The following NHSL2 variants were observed in gnomAD, a reference collection of about 807,000 sequenced individuals.
The protein encoded by NHSL2 is NHS like 2.
NHSL2 carries 27 observed loss-of-function variants against 53.4 expected under a neutral mutation model. That is an observed-to-expected ratio of 0.51 (90% CI 0.37 to 0.70). The LOEUF is 0.70. NHSL2 is among the 30% of genes least tolerant of loss of function. The probability of loss-of-function intolerance (pLI) is 0.00; values close to 1 mark genes in which losing one functional copy is unlikely to be tolerated. For synonymous variants in NHSL2, 408 were observed against 404.1 expected (o/e 1.01, Z -0.12); for missense variants, 892 against 980.1 (o/e 0.91, Z 1.20).
chrX:72,074,700 G>A (rs2041726793), intron 1 of NHSL2, among the ~76,000 whole-genome samples: 1 of 112,905 alleles, frequency 8.9e-6, no homozygotes, highest in African/African-American at 3.2e-5. Flanking sequence ...AAATATGGTA[G>A]ACCATGAAAG....
intron 1 of NHSL2, among the ~76,000 whole-genome samples, chrX:72,066,187 A>G (rs1344943050): frequency 9.0e-6 from 1 of 111,424 alleles, no homozygotes; most frequent in Non-Finnish European, 1.9e-5. Context: ...GGAAGTGGAG[A>G]TGATGCCGTG....
At chrX:71,913,052 T>C (rs2041611996) in intron 1 of NHSL2, among the ~76,000 whole-genome samples, 1 of 111,608 alleles carries the variant, frequency 9.0e-6, no homozygotes, top group African/African-American at 3.3e-5. Flanking sequence ...AAATTACCAC[T>C]GGTTTGGCTT....
chrX:72,068,653 T>C (rs1391345986), intron 1 of NHSL2, among the ~76,000 whole-genome samples: 1 of 52,312 alleles, frequency 1.9e-5, no homozygotes, highest in Non-Finnish European at 4.4e-5. Context: ...TGTGTCCGTG[T>C]GTGTGTGCGT....
chrX:72,130,967 T>A (rs1419849930), intron 1 of NHSL2: 4 of 1,210,424 alleles, frequency 3.3e-6, no homozygotes, highest in Middle Eastern at 2.3e-4. Context: ...AAAAAGGAGA[T>A]CAGAAAGGCC....
chrX:71,926,516 C>T (rs1465146952), intron 1 of NHSL2, among the ~76,000 whole-genome samples: 1 of 110,944 alleles, frequency 9.0e-6, no homozygotes, highest in East Asian at 2.8e-4. Context: ...TGCACACACA[C>T]TCAAATTTTA....
chrX:72,077,544 G>T (rs2041754798), intron 1 of NHSL2, among the ~76,000 whole-genome samples: 1 of 111,736 alleles, frequency 8.9e-6, no homozygotes, highest in Non-Finnish European at 1.9e-5. Context: ...CCCACCCAGG[G>T]ACAATAGCTT....
chrX:72,031,913 C>T (rs916822073), intron 1 of NHSL2, among the ~76,000 whole-genome samples: 3 of 111,642 alleles, frequency 2.7e-5, no homozygotes, highest in Non-Finnish European at 5.6e-5. Flanking sequence ...TGACATCTTA[C>T]ACAACTGGGA....
At chrX:72,072,094 C>T (rs1044872711) in intron 1 of NHSL2, among the ~76,000 whole-genome samples, 1 of 112,487 alleles carries the variant, frequency 8.9e-6, no homozygotes, top group East Asian at 2.8e-4. Context: ...CGAGAGATTA[C>T]GATTGCTCCC....
intron 1 of NHSL2, among the ~76,000 whole-genome samples, chrX:72,087,869 C>T (rs747728245): frequency 2.7e-5 from 3 of 110,028 alleles, no homozygotes; most frequent in Non-Finnish European, 5.7e-5. Context: ...AAGACTCCAT[C>T]TCGAGAAACA....
chrX:72,101,389 G>A (rs776661769), intron 1 of NHSL2, among the ~76,000 whole-genome samples: 50 of 110,764 alleles, frequency 4.5e-4, no homozygotes, highest in African/African-American at 1.5e-3. Flanking sequence ...GTTTTGCCCT[G>A]GCCTGAGTCA....
Position 71,955,541 on chromosome X carries a change from G to T in NHSL2, c.280+44174G>T, listed in dbSNP as rs760283121. Among the ~76,000 whole-genome samples the T allele has an allele frequency of 1.2e-4, 13 of 110,373 alleles. No individual in the cohort carries two copies. The South Asian group carries it at 5.3e-3, about 45-fold the overall frequency. ...TTGCCTATTCTGTCTTCAAGGCCGG[G>T]AGTTTATGTGGAGGGCAGAGAAGTG... On this transcript the variant is annotated intron_variant, in intron 1 of 7. Transcript: ENST00000633930.
At chrX:72,063,347 A>G (rs1034130571) in intron 1 of NHSL2, among the ~76,000 whole-genome samples, 6 of 112,246 alleles carry the variant, frequency 5.3e-5, no homozygotes, top group African/African-American at 1.9e-4. Flanking sequence ...TCCCTTGAGT[A>G]GGGGCTACTA....
At chrX:72,027,454 C>G in intron 1 of NHSL2, 1 of 111,520 alleles carries the variant, frequency 9.0e-6, no homozygotes, top group Admixed American at 9.5e-5. Flanking sequence ...TCAAGCAGCC[C>G]TCAGAAGGCG....
chrX:71,982,243 A>T (rs774175100), intron 1 of NHSL2, among the ~76,000 whole-genome samples: 63 of 112,538 alleles, frequency 5.6e-4, no homozygotes, highest in African/African-American at 1.9e-3. Flanking sequence ...ATACTGTATG[A>T]TTCCATTTCT....
chrX:72,028,372 C>T lies in NHSL2; in HGVS notation c.281-103707C>T, dbSNP rs777081218. On this transcript the variant is annotated intron_variant, in intron 1 of 7. Transcript: ENST00000633930. ...TTGTGATAGAGATTCAAGGAGAGCTCGAGATTTCTGTGAGCTCAAGGATGT... is the reference window on the plus strand; with the variant it reads ...TTGTGATAGAGATTCAAGGAGAGCTTGAGATTTCTGTGAGCTCAAGGATGT... Among the ~76,000 whole-genome samples the T allele has an allele frequency of 7.1e-5, 8 of 112,246 alleles. No homozygotes were observed. The East Asian group carries it at 2.2e-3, about 31-fold the overall frequency.
chrX:71,921,038 C>CAG (rs2041655504), intron 1 of NHSL2, among the ~76,000 whole-genome samples: 1 of 109,185 alleles, frequency 9.2e-6, no homozygotes, highest in African/African-American at 3.3e-5. Context: ...CTCCTGACCT[C>CAG]GTGATCCGCC....
intron 1 of NHSL2, among the ~76,000 whole-genome samples, chrX:71,993,664 C>T (rs1434321773): frequency 9.0e-6 from 1 of 111,404 alleles, no homozygotes; most frequent in African/African-American, 3.3e-5. Flanking sequence ...TCTTTAGCAG[C>T]AGGACTTTTG....
At chrX:71,973,178 C>T (rs751356411) in intron 1 of NHSL2, among the ~76,000 whole-genome samples, 18 of 111,715 alleles carry the variant, frequency 1.6e-4, no homozygotes, top group Non-Finnish European at 5.6e-5. Context: ...TTGTGTGTGG[C>T]TTGAGGAATG....
chrX:71,970,461 G>A (rs769052014), intron 1 of NHSL2, among the ~76,000 whole-genome samples: 6 of 111,841 alleles, frequency 5.4e-5, no homozygotes, highest in Admixed American at 9.5e-5. Context: ...GTTGCTAGAA[G>A]CTGTTCTTTC....
Sources: allele counts gnomAD v4.1 joint callset (sites outside exome capture counted in the v4.1 genomes callset), GRCh38; gene constraint gnomAD v4.1.1; transcripts MANE v1.5; gene names NCBI Gene and HGNC (gene_info 2026-07-23, HGNC 2026-07-21).